TRAPPC10: variants seen among roughly 807,000 people sequenced by gnomAD.
TRAPPC10 encodes TRAPP 130 kDa subunit.
Under a neutral mutation model 125.5 loss-of-function variants are expected in TRAPPC10, and 23 were observed. The observed-to-expected ratio is 0.18, with a 90% confidence interval of 0.13 to 0.26. The LOEUF (loss-of-function observed/expected upper bound fraction) is 0.26, where lower values mean the gene tolerates loss of function less well. Ranked by LOEUF, TRAPPC10 falls within the 10% of genes least tolerant of loss-of-function variation. The probability of loss-of-function intolerance (pLI) is 1.00; values close to 1 mark genes in which losing one functional copy is unlikely to be tolerated. For synonymous variants in TRAPPC10, 509 were observed against 518.0 expected (o/e 0.98, Z 0.24); for missense variants, 1,123 against 1,308.4 (o/e 0.86, Z 2.19).
At chr21:44,029,587 G>A (rs749553379) in intron 1 of TRAPPC10, among the ~76,000 whole-genome samples, 74 of 152,172 alleles carry the variant, frequency 4.9e-4, no homozygotes, top group Admixed American at 1.4e-3. Context: ...TCAAATCTAC[G>A]CTGGGGCACT....
At chr21:44,024,222 C>T (rs561468958) in intron 1 of TRAPPC10, among the ~76,000 whole-genome samples, 1 of 152,340 alleles carries the variant, frequency 6.6e-6, no homozygotes, top group East Asian at 1.9e-4. Flanking sequence ...ACTGAAAATC[C>T]TAATTCTCAT....
intron 2 of TRAPPC10, among the ~76,000 whole-genome samples, chr21:44,035,202 T>C (rs1368889009): frequency 6.6e-6 from 1 of 152,182 alleles, no homozygotes; most frequent in African/African-American, 2.4e-5. Context: ...GGCTTTCTTA[T>C]CAAAGTGAGC....
chr21:44,031,433 G>T (rs182641674), intron 1 of TRAPPC10, among the ~76,000 whole-genome samples: 2 of 152,342 alleles, frequency 1.3e-5, no homozygotes, highest in Non-Finnish European at 2.9e-5. Flanking sequence ...TTAACACTGA[G>T]CGTGCAGCGT....
chr21:44,044,673 T>C (rs2034651349), intron 3 of TRAPPC10, among the ~76,000 whole-genome samples: 1 of 147,604 alleles, frequency 6.8e-6, no homozygotes, highest in African/African-American at 2.5e-5. Context: ...TTTTTTTTTT[T>C]TTTTTTTTTT....
rs747896707 is a variant in TRAPPC10 at position 44,075,110 on chromosome 21, A to G, written c.1257A>G (p.Thr419=). The G allele has an allele frequency of 1.5e-5, 24 of 1,614,114 alleles. No homozygotes were observed. The highest frequency in any genetic ancestry group is 3.3e-4 in the Middle Eastern group (2 of 6,084). The change falls in exon 9 of 23, where the codon ACA becomes ACG. Residue 419 remains threonine, a synonymous_variant. Coordinates refer to ENST00000291574, the MANE Select transcript of TRAPPC10 (RefSeq NM_003274.5). ...KGPNSEDLNR[T]VDLLAGLGAE... ...CTAACTCAGAAGATCTCAACAGGACAGTTGACCTTTTGGCAGGTTTGGGAG... is the reference window on the plus strand; with the variant it reads ...CTAACTCAGAAGATCTCAACAGGACGGTTGACCTTTTGGCAGGTTTGGGAG...
intron 20 of TRAPPC10, among the ~76,000 whole-genome samples, chr21:44,094,638 A>C (rs544659013): frequency 6.6e-6 from 1 of 152,354 alleles, no homozygotes; most frequent in African/African-American, 2.4e-5. Context: ...AACATATGAA[A>C]ACCTGCTAGC....
At chr21:44,061,192 A>G (rs1019565724) in intron 6 of TRAPPC10, among the ~76,000 whole-genome samples, 7 of 152,096 alleles carry the variant, frequency 4.6e-5, no homozygotes, top group Non-Finnish European at 1.0e-4. Context: ...GCTGGAGTGC[A>G]GTGGCGCCAT....
At chr21:44,042,893 G>A (rs1281110309) in intron 3 of TRAPPC10, among the ~76,000 whole-genome samples, 1 of 152,048 alleles carries the variant, frequency 6.6e-6, no homozygotes, top group African/African-American at 2.4e-5. Context: ...TGCTTAGGGA[G>A]GCCTTGTCTG....
chr21:44,041,440 G>A (rs1300260128), intron 3 of TRAPPC10, among the ~76,000 whole-genome samples: 2 of 151,854 alleles, frequency 1.3e-5, no homozygotes, highest in South Asian at 2.1e-4. Flanking sequence ...GCAGTGGTGC[G>A]ATCTTGGCTC....
intron 20 of TRAPPC10, among the ~76,000 whole-genome samples, chr21:44,094,631 A>C (rs1362106657): frequency 6.8e-6 from 1 of 146,618 alleles, no homozygotes; most frequent in Non-Finnish European, 1.6e-5. Flanking sequence ...AGCTGAAAAC[A>C]TATGAAAACC....
chr21:44,068,380 A>G (rs145904240), intron 7 of TRAPPC10, among the ~76,000 whole-genome samples: 2 of 152,030 alleles, frequency 1.3e-5, no homozygotes, highest in East Asian at 3.9e-4. Flanking sequence ...TCTTGCTAGA[A>G]CTTCAGGGGT....
At chr21:44,047,572 A>G (rs994018608) in intron 3 of TRAPPC10, among the ~76,000 whole-genome samples, 10 of 108,788 alleles carry the variant, frequency 9.2e-5, no homozygotes, top group South Asian at 7.6e-4. Flanking sequence ...GTGTGCGCGC[A>G]CACGCTACAT....
chr21:44,045,338 G>A (rs1166836073), intron 3 of TRAPPC10, among the ~76,000 whole-genome samples: 2 of 152,054 alleles, frequency 1.3e-5, no homozygotes, highest in Admixed American at 6.6e-5. Context: ...GGTCTGTTAC[G>A]GTAAGCTCTT....
rs1323239299 is a variant in TRAPPC10, at chr21:44,059,835, G to GT, written c.790+623dup. On this transcript the variant is annotated intron_variant, in intron 6 of 22. Coordinates refer to ENST00000291574, the MANE Select transcript of TRAPPC10 (RefSeq NM_003274.5). This position sits in a 1 kb window ranked among gnomAD's most constrained non-coding sequence, Gnocchi z 4.4. ...CAGCCCATCCTGGGCATCTCTCCAG[G>GT]TTAGCAGGTGGGGTTTGGAGTTGTT... The GT allele has an allele frequency of 6.7e-6, 2 of 298,036 alleles. No individual in the cohort carries two copies. Among genetic ancestry groups the GT allele is most frequent in the Non-Finnish European group, 1.2e-5 (2 of 162,346 alleles). 18.5% of individuals were successfully genotyped at this position (298,036 alleles called of 1,614,324 possible).
At chr21:44,070,335 T>C (rs2036774978) in intron 7 of TRAPPC10, among the ~76,000 whole-genome samples, 1 of 152,210 alleles carries the variant, frequency 6.6e-6, no homozygotes, top group African/African-American at 2.4e-5. Flanking sequence ...TAAGAATTTG[T>C]TTAAGAAGTC....
At chr21:44,075,635 G>GC (rs58139976) in intron 9 of TRAPPC10, among the ~76,000 whole-genome samples, 2,008 of 152,250 alleles carry the variant, frequency 0.013, 49 homozygotes, top group African/African-American at 0.046. Context: ...ACAGGTGTGT[G>GC]CTACCATACT....
At chr21:44,068,905 A>G (rs1484470977) in intron 7 of TRAPPC10, among the ~76,000 whole-genome samples, 1 of 152,202 alleles carries the variant, frequency 6.6e-6, no homozygotes, top group Non-Finnish European at 1.5e-5. Context: ...CCCAGCCGGC[A>G]GATTTTAAAT....
At chr21:44,044,745 C>T (rs887182347) in intron 3 of TRAPPC10, among the ~76,000 whole-genome samples, 5 of 149,212 alleles carry the variant, frequency 3.4e-5, no homozygotes, top group Admixed American at 2.0e-4. Flanking sequence ...CTCACTGCAA[C>T]CTCCGCCTCC....
chr21:44,072,033 T>C (rs1436703412), intron 7 of TRAPPC10, among the ~76,000 whole-genome samples: 2 of 152,246 alleles, frequency 1.3e-5, no homozygotes, highest in African/African-American at 2.4e-5. Context: ...TTTTGTTGTT[T>C]GTACCCCAGA....
Sources: gnomAD v4.1 joint callset for allele counts (sites outside exome capture counted in the v4.1 genomes callset) on GRCh38, gnomAD v4.1.1 for gene constraint, Gnocchi (gnomAD v3.1) non-coding constraint, MANE v1.5 for transcripts, NCBI Gene and HGNC (gene_info 2026-07-23, HGNC 2026-07-21) for gene names.